The following MMD2 variants were observed in gnomAD, a reference collection of about 807,000 sequenced individuals.
MMD2 encodes the protein monocyte to macrophage differentiation associated 2.
MMD2 carries 30 observed loss-of-function variants against 33.5 expected under a neutral mutation model. The ratio of observed to expected loss-of-function variants is 0.90; its 90% CI spans 0.67 to 1.22. The LOEUF is 1.22. Among genes scored for constraint, MMD2 ranks in the 50% most tolerant of loss-of-function variants. The probability of loss-of-function intolerance (pLI) is 0.00; values close to 1 mark genes in which losing one functional copy is unlikely to be tolerated. For synonymous variants in MMD2, 129 were observed against 123.0 expected, an observed-to-expected ratio of 1.05 and a Z score of -0.32; for missense variants, 364 against 325.4, an observed-to-expected ratio of 1.12 and a Z score of -0.91.
intron 4 of MMD2, among the ~76,000 whole-genome samples, chr7:4,914,647 C>G (rs1452148773): frequency 6.6e-6 from 1 of 152,042 alleles, no homozygotes; most frequent in Non-Finnish European, 1.5e-5. Flanking sequence ...AAGAGAAACT[C>G]AGGCCGGGCA....
At chr7:4,929,998 G>A (rs1486344546) in intron 1 of MMD2, among the ~76,000 whole-genome samples, 2 of 151,998 alleles carry the variant, frequency 1.3e-5, no homozygotes, top group African/African-American at 4.8e-5. Flanking sequence ...GGCCGGGTAT[G>A]GTGGCTCACA....
intron 2 of MMD2, among the ~76,000 whole-genome samples, chr7:4,920,881 C>A (rs887607893): frequency 6.6e-6 from 1 of 152,004 alleles, no homozygotes; most frequent in African/African-American, 2.4e-5. Flanking sequence ...CCACGACTGG[C>A]CAATTTTTAT....
rs566599198 is a variant in MMD2 at position 4,946,623 on chromosome 7, G to T, written c.47+12348C>A. ...GGACCTCAGTATCTCTCATCCCAGG[G>T]GTTACCTTAGAGCCCTCATGGATCA... On this transcript the variant is annotated intron_variant, in intron 1 of 6. Transcript: ENST00000401401. This position sits in a 1 kb window ranked among gnomAD's most constrained non-coding sequence, Gnocchi z 5.0. Among the ~76,000 whole-genome samples the T allele has an allele frequency of 6.6e-6, 1 of 152,246 alleles. No homozygotes were observed. Among genetic ancestry groups the T allele is most frequent in the South Asian group, 2.1e-4 (1 of 4,828 alleles).
chr7:4,906,566 A>G lies in MMD2; in HGVS notation c.*830T>C, dbSNP rs1661114635. 2.5e-6 allele frequency: 1 copy of G among 398,656 alleles called. No homozygotes were observed. 24.7% of individuals were successfully genotyped at this position (398,656 alleles called of 1,614,324 possible). ...AGATGGGAAGAAATGGCCAAGTAAC[A>G]GCATCCTCATTCCCAACTCTACTGA... On this transcript the variant is annotated 3_prime_UTR_variant, in exon 7 of 7. Transcript: ENST00000401401.
intron 4 of MMD2, among the ~76,000 whole-genome samples, chr7:4,915,763 C>A (rs1315496269): frequency 7.5e-5 from 8 of 107,152 alleles, no homozygotes; most frequent in Non-Finnish European, 1.0e-4. Flanking sequence ...AAAAAAAAAA[C>A]AATGTATATA....
intron 3 of MMD2, among the ~76,000 whole-genome samples, chr7:4,918,604 C>T (rs1039636308): frequency 6.6e-6 from 1 of 151,658 alleles, no homozygotes; most frequent in Non-Finnish European, 1.5e-5. Context: ...GTGCCTCAGC[C>T]CCCTGAGTAG....
chr7:4,956,467 G>C (rs956510009), intron 1 of MMD2, among the ~76,000 whole-genome samples: 62 of 151,694 alleles, frequency 4.1e-4, no homozygotes, highest in African/African-American at 1.5e-3. Context: ...CTTTACTACA[G>C]ACCTAATTTG....
chr7:4,919,570 A>AAAAC (rs982832912), intron 3 of MMD2, among the ~76,000 whole-genome samples: 3 of 152,100 alleles, frequency 2.0e-5, no homozygotes, highest in East Asian at 1.9e-4. Flanking sequence ...TCTTTCTCAA[A>AAAAC]AAACAAACAA....
At chr7:4,909,512 G>A (rs6958344) in intron 6 of MMD2, among the ~76,000 whole-genome samples, 71,875 of 151,200 alleles carry the variant, frequency 0.48, 17,788 homozygotes, top group African/African-American at 0.61. Context: ...GTGCAATCTC[G>A]GCTCACTACA....
At chr7:4,937,742 A>G (rs975839588) in intron 1 of MMD2, among the ~76,000 whole-genome samples, 1 of 151,926 alleles carries the variant, frequency 6.6e-6, no homozygotes, top group Non-Finnish European at 1.5e-5. Context: ...TCCAGGGCTC[A>G]AGTGATCCCA....
chr7:4,901,285 A>G (rs1026094084), downstream of MMD2, among the ~76,000 whole-genome samples: 8 of 151,784 alleles, frequency 5.3e-5, no homozygotes, highest in East Asian at 1.2e-3. Flanking sequence ...TACTAAAAAT[A>G]CAAAAATTAA....
chr7:4,944,528 C>G (rs1340149721), intron 1 of MMD2, among the ~76,000 whole-genome samples: 2 of 152,104 alleles, frequency 1.3e-5, no homozygotes, highest in African/African-American at 2.4e-5. Context: ...AGCACTCCTA[C>G]TATTCCTGCG....
chr7:4,948,479 C>T (rs1260078357), intron 1 of MMD2, among the ~76,000 whole-genome samples: 1 of 151,794 alleles, frequency 6.6e-6, no homozygotes, highest in Non-Finnish European at 1.5e-5. Flanking sequence ...GCCAAGATCG[C>T]GCCACTGCAC....
At chr7:4,904,255 G>A (rs567309208), downstream of MMD2, among the ~76,000 whole-genome samples, 71 of 152,278 alleles carry the variant, frequency 4.7e-4, 1 homozygote, top group African/African-American at 1.4e-3. Flanking sequence ...CCACACACCC[G>A]GTGCGCAGCC....
intron 1 of MMD2, among the ~76,000 whole-genome samples, chr7:4,929,786 G>A (rs560581010): frequency 1.3e-5 from 2 of 152,120 alleles, no homozygotes; most frequent in East Asian, 1.9e-4. Context: ...GCCTCCCAAA[G>A]TGCTAGGACT....
At chr7:4,915,734 T>C (rs1785122910) in intron 4 of MMD2, among the ~76,000 whole-genome samples, 1 of 121,280 alleles carries the variant, frequency 8.2e-6, no homozygotes, top group Non-Finnish European at 1.8e-5. Flanking sequence ...AGTGAGATTC[T>C]GTCTCAGAAT....
In MMD2 at chr7:4,959,173, G is replaced by C. The variant is rs1394769298; in HGVS notation, c.-156C>G. ...GGAGCCGGAGCCGGAGCCCGAGCCG[G>C]AGCTGGAGGCGCCCGGAGCCGCCGA... On this transcript the variant is annotated 5_prime_UTR_variant, in exon 1 of 7. Coordinates refer to ENST00000401401, the MANE Select transcript of MMD2 (RefSeq NM_198403.4). The C allele has an allele frequency of 2.1e-6, 1 of 468,308 alleles. No homozygotes were observed. The highest frequency in any genetic ancestry group is 4.5e-5 in the East Asian group (1 of 22,338). 29.0% of individuals were successfully genotyped at this position (468,308 alleles called of 1,614,324 possible).
At chr7:4,930,587 T>C (rs1785554592) in intron 1 of MMD2, among the ~76,000 whole-genome samples, 1 of 147,598 alleles carries the variant, frequency 6.8e-6, no homozygotes, top group Non-Finnish European at 1.5e-5. Flanking sequence ...GAGGTTGTGC[T>C]GAGCCAAGAT....
intron 1 of MMD2, among the ~76,000 whole-genome samples, chr7:4,929,620 G>C (rs976185856): frequency 2.6e-5 from 4 of 151,998 alleles, no homozygotes; most frequent in Non-Finnish European, 2.9e-5. Context: ...TGCCTCCCGG[G>C]TTCAAGTGAT....
Sources: gnomAD v4.1 joint callset for allele counts (sites outside exome capture counted in the v4.1 genomes callset) on GRCh38, gnomAD v4.1.1 for gene constraint, Gnocchi (gnomAD v3.1) non-coding constraint, MANE v1.5 for transcripts, NCBI Gene and HGNC (gene_info 2026-07-23, HGNC 2026-07-21) for gene names.